The following POTEB3 variants were observed in gnomAD, a reference collection of about 807,000 sequenced individuals.
POTEB3 encodes POTE ankyrin domain family member B3, also known as ANKRD26-like family B member 1.
A neutral mutation model predicts 39.8 loss-of-function variants in POTEB3; 5 were observed. The ratio of observed to expected loss-of-function variants is 0.13; its 90% CI spans 0.07 to 0.26. The LOEUF (loss-of-function observed/expected upper bound fraction) is 0.26. POTEB3 is among the 10% of genes least tolerant of loss of function. The pLI, the probability that POTEB3 is intolerant of heterozygous loss-of-function variation, is 1.00. For missense variants in POTEB3, 24 were observed against 475.6 expected (o/e 0.05, Z 8.83); for synonymous variants, 5 against 161.5 (o/e 0.03, Z 7.35).
chr15:21,434,076 AAAAC>A (rs1899092897), intron 3 of POTEB3, among the ~76,000 whole-genome samples: 1 of 140,260 alleles, frequency 7.1e-6, no homozygotes, highest in Non-Finnish European at 1.5e-5. Flanking sequence ...AACAAAAACA[AAAAC>A]AAAAAAAAAA....
At position 21,410,153 on chromosome 15, in the gene POTEB3, T is replaced by TA. The variant is rs1416376170; in HGVS notation, c.1533+724dup. 2.3e-5 allele frequency among the ~76,000 whole-genome samples: 2 copies of TA among 86,184 alleles called. 1 individual carries two copies. The highest frequency in any genetic ancestry group is 1.9e-4 in the Admixed American group (2 of 10,460). 56.5% of individuals were successfully genotyped at this position (86,184 alleles called of 152,430 possible). ...TACAAATGATAAATAAGATATAACT[T>TA]ACAAGGCTTTTCTTAGAAATCATGA... On this transcript the variant is annotated intron_variant, in intron 10 of 10. Coordinates refer to ENST00000611217, the MANE Select transcript of POTEB3 (RefSeq NM_207355.5).
At chr15:21,417,785 T>C (rs1363235222) in intron 9 of POTEB3, among the ~76,000 whole-genome samples, 1 of 103,450 alleles carries the variant, frequency 9.7e-6, no homozygotes, top group East Asian at 2.3e-4. Flanking sequence ...ATTTTACAAA[T>C]GAAATTTTTA....
intron 9 of POTEB3, among the ~76,000 whole-genome samples, chr15:21,414,529 A>G (rs1898379309): frequency 1.1e-5 from 1 of 91,342 alleles, no homozygotes; most frequent in Admixed American, 9.3e-5. Context: ...CAAGCCACCC[A>G]AAAGCCAGTT....
At chr15:21,414,451 A>G (rs1240352156) in intron 9 of POTEB3, among the ~76,000 whole-genome samples, 1 of 106,450 alleles carries the variant, frequency 9.4e-6, no homozygotes, top group South Asian at 2.4e-4. Flanking sequence ...GGCAACTTTT[A>G]TACAGAAAAT....
rs1595361094 is a variant in POTEB3, at chr15:21,423,015, A to G, written c.1127-825T>C. Among the ~76,000 whole-genome samples, 5 of 148,070 alleles carry G rather than the reference A, an allele frequency of 3.4e-5. No homozygotes were observed. The East Asian group carries it at 1.0e-3, about 30-fold the overall frequency. On this transcript the variant is annotated intron_variant, in intron 6 of 10. Coordinates refer to ENST00000611217, the MANE Select transcript of POTEB3 (RefSeq NM_207355.5). Reference sequence around the variant, plus strand: ...TAGTACCTTACAAACGATTTCCAAAATTACTACTGACACCTTTATTAGTGT... The same window carrying G: ...TAGTACCTTACAAACGATTTCCAAAGTTACTACTGACACCTTTATTAGTGT...
At chr15:21,422,888 G>A (rs1898563321) in intron 6 of POTEB3, among the ~76,000 whole-genome samples, 1 of 148,574 alleles carries the variant, frequency 6.7e-6, no homozygotes. Context: ...CTTTGTTCAG[G>A]GCTCAGCTTT....
intron 4 of POTEB3, among the ~76,000 whole-genome samples, chr15:21,430,749 T>G (rs1387367828): frequency 2.6e-5 from 4 of 151,314 alleles, no homozygotes; most frequent in Admixed American, 2.0e-4. Context: ...TAGACTGATA[T>G]GCTGTGATAG....
chr15:21,405,701 A>G lies in POTEB3; in HGVS notation c.*3282T>C, dbSNP rs1379611619. Among the ~76,000 whole-genome samples, 1 of 82,616 alleles carries G rather than the reference A, an allele frequency of 1.2e-5. No individual in the cohort carries two copies. Among genetic ancestry groups the G allele is most frequent in the African/African-American group, 1.2e-4 (1 of 8,462 alleles). The allele number at this position is 82,616 out of a possible 152,430, so 54.2% of individuals were successfully genotyped here. A position where few individuals can be genotyped will look rare whatever the true frequency, so the allele number is the denominator to read the frequency against. Reference sequence around the variant, plus strand: ...TCTGGTGATAATGAATTCCCTCAGCATTTGCTTGCCTGAAAAGGATCTTGT... The same window carrying G: ...TCTGGTGATAATGAATTCCCTCAGCGTTTGCTTGCCTGAAAAGGATCTTGT... On this transcript the variant is annotated 3_prime_UTR_variant, in exon 11 of 11. Transcript: ENST00000611217.
chr15:21,423,046 GTCT>G (rs1898572206), intron 6 of POTEB3, among the ~76,000 whole-genome samples: 1 of 147,804 alleles, frequency 6.8e-6, no homozygotes, highest in African/African-American at 2.5e-5. Context: ...AGTGTACAAT[GTCT>G]TCTTAACATC....
intron 3 of POTEB3, among the ~76,000 whole-genome samples, chr15:21,434,030 AAC>A (rs60010729): frequency 0.1 from 11,703 of 117,120 alleles, 449 homozygotes; most frequent in African/African-American, 0.15. Flanking sequence ...CAACAATAAC[AAC>A]ACACACACAC....
At chr15:21,430,814 A>G (rs1156302829) in intron 4 of POTEB3, among the ~76,000 whole-genome samples, 3 of 151,690 alleles carry the variant, frequency 2.0e-5, no homozygotes, top group Admixed American at 6.6e-5. Flanking sequence ...GAAAGCAGTA[A>G]TATTAATAAT....
At chr15:21,433,987 T>C (rs1320392879) in intron 3 of POTEB3, among the ~76,000 whole-genome samples, 13 of 145,686 alleles carry the variant, frequency 8.9e-5, no homozygotes, top group Non-Finnish European at 1.5e-5. Flanking sequence ...AAAAGAACCC[T>C]GTCTCACCAT....
At chr15:21,423,069 T>C (rs1898573085) in intron 6 of POTEB3, among the ~76,000 whole-genome samples, 1 of 147,822 alleles carries the variant, frequency 6.8e-6, no homozygotes, top group Non-Finnish European at 1.5e-5. Flanking sequence ...CTAAAATGTT[T>C]CCATCCACTA....
intron 6 of POTEB3, among the ~76,000 whole-genome samples, chr15:21,424,670 C>A (rs1172208539): frequency 6.6e-6 from 1 of 151,322 alleles, no homozygotes; most frequent in Non-Finnish European, 1.5e-5. Flanking sequence ...TCCTTGCTCT[C>A]TTTCTTTTCT....
intron 10 of POTEB3, 66 bp downstream of exon 10, chr15:21,410,812 C>G (rs1898307807): frequency 1.2e-6 from 1 of 851,616 alleles, no homozygotes; most frequent in African/African-American, 5.7e-5. Flanking sequence ...TTTATACCTT[C>G]CAAAATAAAG....
intron 3 of POTEB3, among the ~76,000 whole-genome samples, chr15:21,433,286 T>C (rs1474292923): frequency 6.6e-6 from 1 of 150,886 alleles, no homozygotes; most frequent in East Asian, 1.9e-4. Context: ...CAGGGTCTCA[T>C]TATGTTGACC....
At chr15:21,434,064 CAA>C (rs1223147084) in intron 3 of POTEB3, among the ~76,000 whole-genome samples, 6 of 100,154 alleles carry the variant, frequency 6.0e-5, no homozygotes, top group South Asian at 2.7e-4. Context: ...CACACACACA[CAA>C]ACAAAAACAA....
intron 8 of POTEB3, 133 bp from the exon 9 acceptor site, chr15:21,419,763 C>T (rs1898461755): frequency 2.4e-6 from 1 of 410,004 alleles, no homozygotes; most frequent in Non-Finnish European, 4.5e-6. Flanking sequence ...TAAATTTGAT[C>T]ATATATACAG....
chr15:21,414,355 A>C (rs1898373892), intron 9 of POTEB3, among the ~76,000 whole-genome samples: 1 of 124,912 alleles, frequency 8.0e-6, no homozygotes, highest in Admixed American at 7.6e-5. Flanking sequence ...AGCTATTATT[A>C]ACCAATTCAT....
Sources: allele counts gnomAD v4.1 joint callset (sites outside exome capture counted in the v4.1 genomes callset), GRCh38; gene constraint gnomAD v4.1.1; transcripts MANE v1.5; gene names NCBI Gene and HGNC (gene_info 2026-07-23, HGNC 2026-07-21).